The following USP54 variants were observed in gnomAD, a reference collection of about 807,000 sequenced individuals.
The protein encoded by USP54 is ubiquitin carboxyl-terminal hydrolase 54.
USP54 carries 87 observed loss-of-function variants against 170.5 expected under a neutral mutation model. The observed-to-expected ratio is 0.51, with a 90% CI of 0.43 to 0.61. USP54 has a LOEUF of 0.61. Among genes scored for constraint, USP54 ranks in the 20% least tolerant of loss-of-function variants. The pLI is 0.00. For missense variants in USP54, 1,786 were observed against 2,047.8 expected (o/e 0.87, Z 2.47); for synonymous variants, 655 against 742.8 (o/e 0.88, Z 1.92).
intron 4 of USP54, among the ~76,000 whole-genome samples, chr10:73,548,582 A>T (rs1285821142): frequency 6.6e-6 from 1 of 152,158 alleles, no homozygotes; most frequent in Non-Finnish European, 1.5e-5. Flanking sequence ...CTTTGCAGGG[A>T]CATGGATGAA....
At position 73,516,393 on chromosome 10, in the gene USP54, G is replaced by A. The variant is rs999048536; in HGVS notation, c.4033C>T (p.His1345Tyr). 17 of 1,611,616 alleles carry A rather than the reference G, an allele frequency of 1.1e-5. No homozygotes were observed. Among genetic ancestry groups the A allele is most frequent in the Non-Finnish European group, 1.4e-5 (17 of 1,178,938 alleles). ...SGWGQQDTAWHPLSQTGSADG... is the reference protein window; with the variant it reads ...SGWGQQDTAWYPLSQTGSADG... Reference sequence around the variant, plus strand: ...TTCTTACCTGTTTGGCTAAGTGGGTGCCAGGCGGTATCCTGCTGCCCCCAT... The same window carrying A: ...TTCTTACCTGTTTGGCTAAGTGGGTACCAGGCGGTATCCTGCTGCCCCCAT... The change falls in exon 20 of 24, where the codon CAC becomes TAC. Residue 1345 changes from histidine (H) to tyrosine (Y), a missense_variant. By Grantham distance (83) the His-to-Tyr change is moderately conservative (BLOSUM62 2). Transcript: ENST00000687698.
chr10:73,621,956 C>A (rs1338207901), intron 1 of USP54, among the ~76,000 whole-genome samples: 1 of 152,150 alleles, frequency 6.6e-6, no homozygotes, highest in Non-Finnish European at 1.5e-5. Flanking sequence ...CCATTTATAC[C>A]TTCCAAGTCC....
At chr10:73,625,656 G>A, upstream of USP54, 1 of 152,772 alleles carries the variant, frequency 6.5e-6, no homozygotes, top group Non-Finnish European at 1.5e-5. Context: ...TAAACACCCT[G>A]CTCCCAACAC....
chr10:73,553,354 G>A (rs1040804253), intron 4 of USP54: 3 of 152,208 alleles, frequency 2.0e-5, no homozygotes, highest in African/African-American at 7.2e-5. Context: ...AGAAGCAAGT[G>A]TATTAGGGGT....
At chr10:73,545,990 T>C (rs2067704682) in intron 4 of USP54, among the ~76,000 whole-genome samples, 1 of 152,094 alleles carries the variant, frequency 6.6e-6, no homozygotes, top group Admixed American at 6.5e-5. Flanking sequence ...AGTAAATGGG[T>C]TAGGTAAAAA....
chr10:73,593,404 A>G (rs959149928), upstream of USP54, among the ~76,000 whole-genome samples: 3 of 151,774 alleles, frequency 2.0e-5, no homozygotes, highest in Non-Finnish European at 4.4e-5. Flanking sequence ...AGGAAAAATA[A>G]AAATAGAAAG....
chr10:73,538,237 A>T (rs2065724446), intron 10 of USP54: 2 of 152,102 alleles, frequency 1.3e-5, no homozygotes, highest in African/African-American at 4.8e-5. Flanking sequence ...TTCAAAACAT[A>T]GTAAAGGCTG....
intron 1 of USP54, among the ~76,000 whole-genome samples, chr10:73,596,879 GAA>G (rs1302614700): frequency 2.0e-5 from 3 of 152,120 alleles, no homozygotes; most frequent in Non-Finnish European, 4.4e-5. Flanking sequence ...GTGAAAAAGT[GAA>G]AGTTATCGAC....
At chr10:73,504,667 C>G in intron 22 of USP54, 183 bp downstream of exon 22, 1 of 804,806 alleles carries the variant, frequency 1.2e-6, no homozygotes, top group East Asian at 2.7e-5. Flanking sequence ...AATGGACATT[C>G]CTCTGGGCTC....
chr10:73,612,408 C>T (rs1325867538), intron 1 of USP54, among the ~76,000 whole-genome samples: 1 of 152,090 alleles, frequency 6.6e-6, no homozygotes, highest in Non-Finnish European at 1.5e-5. Flanking sequence ...CAAATTCCAG[C>T]CATCCTAGAA....
intron 20 of USP54, 139 bp from the exon 21 acceptor site, chr10:73,505,565 C>T: frequency 1.4e-6 from 1 of 691,406 alleles, no homozygotes; most frequent in Non-Finnish European, 2.4e-6. Context: ...GAGGAACATG[C>T]TCCTGGAATT....
At chr10:73,567,565 G>A (rs779233092) in intron 4 of USP54, among the ~76,000 whole-genome samples, 12 of 152,092 alleles carry the variant, frequency 7.9e-5, no homozygotes, top group African/African-American at 1.9e-4. Flanking sequence ...CCAGCTACTC[G>A]GGAGGCTGAG....
intron 1 of USP54, among the ~76,000 whole-genome samples, chr10:73,609,822 T>TG (rs2079983360): frequency 3.6e-5 from 5 of 139,160 alleles, no homozygotes; most frequent in East Asian, 2.1e-4. Context: ...CCAGCCTGGC[T>TG]ACAGAGCGAG....
intron 7 of USP54, among the ~76,000 whole-genome samples, chr10:73,542,109 G>A (rs1259701547): frequency 6.6e-6 from 1 of 152,184 alleles, no homozygotes; most frequent in African/African-American, 2.4e-5. Flanking sequence ...TGTTGGTGGT[G>A]GTTTTTTTGA....
At chr10:73,605,695 T>G (rs1051596597) in intron 1 of USP54, among the ~76,000 whole-genome samples, 1 of 152,118 alleles carries the variant, frequency 6.6e-6, no homozygotes, top group Non-Finnish European at 1.5e-5. Flanking sequence ...ACAACACAGA[T>G]GAACTTGAGG....
chr10:73,564,752 T>G (rs1311053022), intron 4 of USP54, among the ~76,000 whole-genome samples: 1 of 152,080 alleles, frequency 6.6e-6, no homozygotes, highest in Non-Finnish European at 1.5e-5. Context: ...CCAGAGCTCT[T>G]TTTTCCCTCT....
At chr10:73,530,959 G>A in intron 12 of USP54, 124 bp from the exon 13 acceptor site, 2 of 1,335,722 alleles carry the variant, frequency 1.5e-6, no homozygotes, top group Non-Finnish European at 2.0e-6. Context: ...AGAAGCTGTA[G>A]GGCATAGGCT....
intron 3 of USP54, among the ~76,000 whole-genome samples, chr10:73,573,805 T>G (rs2075666603): frequency 6.6e-6 from 1 of 152,134 alleles, no homozygotes. Context: ...CATGAAACTT[T>G]TATTACCTAG....
intron 1 of USP54, among the ~76,000 whole-genome samples, chr10:73,624,176 A>ATTTTTTTTTTT (rs2081303314): frequency 9.2e-6 from 1 of 108,882 alleles, no homozygotes; most frequent in Non-Finnish European, 2.0e-5. Context: ...ATATATATAT[A>ATTTTTTTTTTT]TATATATATA....
Sources: allele counts gnomAD v4.1 joint callset (sites outside exome capture counted in the v4.1 genomes callset), GRCh38; gene constraint gnomAD v4.1.1; transcripts MANE v1.5; gene names NCBI Gene and HGNC (gene_info 2026-07-23, HGNC 2026-07-21).